SORBS3: variants seen among roughly 807,000 people sequenced by gnomAD.
SORBS3 encodes the protein vinexin.
Under a neutral mutation model 98.0 loss-of-function variants are expected in SORBS3, and 69 were observed. The observed-to-expected ratio is 0.70, with a 90% CI of 0.58 to 0.86. The LOEUF is 0.86. SORBS3 is among the 40% of genes least tolerant of loss of function. The pLI, the probability that SORBS3 is intolerant of heterozygous loss-of-function variation, is 0.00. For missense variants in SORBS3, 954 were observed against 908.5 expected, an observed-to-expected ratio of 1.05 and a Z score of -0.64; for synonymous variants, 394 against 355.4, an observed-to-expected ratio of 1.11 and a Z score of -1.22.
chr8:22,564,229 G>A (rs552602226), intron 8 of SORBS3, 54 bp from the exon 9 acceptor site: 1 of 1,530,516 alleles, frequency 6.5e-7, no homozygotes, highest in South Asian at 1.2e-5. Flanking sequence ...TTTGAGCCTG[G>A]CCAGTGTCCC....
intron 20 of SORBS3, 41 bp from the exon 21 acceptor site, chr8:22,574,623 AAAG>A (rs1586912295): frequency 1.3e-6 from 2 of 1,596,214 alleles, no homozygotes; most frequent in East Asian, 2.2e-5. Context: ...CATCCCTGTT[AAAG>A]AAGGGAGTGG....
chr8:22,558,659 T>A (rs1840233581), intron 5 of SORBS3, among the ~76,000 whole-genome samples: 1 of 152,240 alleles, frequency 6.6e-6, no homozygotes, highest in Non-Finnish European at 1.5e-5. Context: ...CTATTCTAGG[T>A]GCCAAAGATC....
At chr8:22,566,797 C>G in intron 14 of SORBS3, 25 bp from the exon 15 acceptor site, 2 of 1,613,856 alleles carry the variant, frequency 1.2e-6, no homozygotes, top group South Asian at 2.2e-5. Context: ...CTGAGAGAGC[C>G]CACTCTGTCC....
At chr8:22,555,622 G>A (rs1016023600) in intron 3 of SORBS3, among the ~76,000 whole-genome samples, 1 of 152,134 alleles carries the variant, frequency 6.6e-6, no homozygotes, top group Non-Finnish European at 1.5e-5. Context: ...AGGCTGAGGT[G>A]TGTGGATGAC....
At position 22,574,868 on chromosome 8, in the gene SORBS3, C is replaced by T. The variant is rs550294683; in HGVS notation, c.*140C>T. The T allele has an allele frequency of 3.1e-5, 24 of 785,066 alleles. No individual in the cohort carries two copies. In the Admixed American group the frequency reaches 4.4e-4, roughly 14 times the overall value. The allele number at this position is 785,066 out of a possible 1,614,324, so 48.6% of individuals were successfully genotyped here. On this transcript the variant is annotated 3_prime_UTR_variant, in exon 21 of 21. Coordinates refer to ENST00000240123, the MANE Select transcript of SORBS3 (RefSeq NM_005775.5). ...TCTGCAGACGACCCCCGCAGCCTTTCCCTCGGACCCCCCTCGAAGCCCCCT... is the reference window on the plus strand; with the variant it reads ...TCTGCAGACGACCCCCGCAGCCTTTTCCTCGGACCCCCCTCGAAGCCCCCT...
rs1224969467 is a variant in SORBS3 at position 22,554,067 on chromosome 8, C to T, written c.-55-385C>T. 1.3e-5 allele frequency among the ~76,000 whole-genome samples: 2 copies of T among 152,144 alleles called. No homozygotes were observed. Among genetic ancestry groups the T allele is most frequent in the African/African-American group, 2.4e-5 (1 of 41,434 alleles). ...GAAACAAAGTCCTGTGTTCCCAGGCCCCCTCTCTGCCGGCTGCCCCACTTC... is the reference window on the plus strand; with the variant it reads ...GAAACAAAGTCCTGTGTTCCCAGGCTCCCTCTCTGCCGGCTGCCCCACTTC... On this transcript the variant is annotated intron_variant, in intron 1 of 20. Transcript: ENST00000240123. This position sits in a 1 kb window ranked among gnomAD's most constrained non-coding sequence, Gnocchi z 6.5.
rs1042488469 is a variant in SORBS3 at position 22,564,015 on chromosome 8, C to T, written c.613C>T (p.Pro205Ser). Residue 205 changes from proline (P) to serine (S), a missense_variant, in exon 8 of 21, where the codon CCT (proline) becomes TCT (serine). By Grantham distance (74) the Pro-to-Ser change is moderately conservative. Coordinates refer to ENST00000240123, the MANE Select transcript of SORBS3 (RefSeq NM_005775.5). ...AAGCTGGGACCACTCTGAAGAGTTA[C>T]CTAGAAGCACCTTCAACTACAGACC... ...GRSWDHSEEL[P>S]RSTFNYRPGA... 2 of 1,613,984 alleles carry T rather than the reference C, an allele frequency of 1.2e-6. No individual in the cohort carries two copies. Among genetic ancestry groups the T allele is most frequent in the Admixed American group, 1.7e-5 (1 of 60,034 alleles).
Position 22,554,068 on chromosome 8 carries a change from C to G in SORBS3, c.-55-384C>G, listed in dbSNP as rs1263312914. On this transcript the variant is annotated intron_variant, in intron 1 of 20. Transcript: ENST00000240123. This position sits in a 1 kb window ranked among gnomAD's most constrained non-coding sequence, Gnocchi z 6.5. Reference sequence around the variant, plus strand: ...AAACAAAGTCCTGTGTTCCCAGGCCCCCTCTCTGCCGGCTGCCCCACTTCC... The same window carrying G: ...AAACAAAGTCCTGTGTTCCCAGGCCGCCTCTCTGCCGGCTGCCCCACTTCC... Among the ~76,000 whole-genome samples, 1 of 152,160 alleles carries G rather than the reference C, an allele frequency of 6.6e-6. No homozygotes were observed. Among genetic ancestry groups the G allele is most frequent in the East Asian group, 1.9e-4 (1 of 5,184 alleles).
At chr8:22,557,885 C>A (rs1840216560) in intron 4 of SORBS3, among the ~76,000 whole-genome samples, 1 of 152,132 alleles carries the variant, frequency 6.6e-6, no homozygotes, top group Non-Finnish European at 1.5e-5. Flanking sequence ...GTAAATTGCC[C>A]CAAATCTCAT....
intron 20 of SORBS3, 84 bp from the exon 21 acceptor site, chr8:22,574,583 C>G: frequency 2.8e-6 from 4 of 1,405,502 alleles, no homozygotes; most frequent in Non-Finnish European, 4.0e-6. Flanking sequence ...GTTCTGGGCA[C>G]TGCCGGCAGG....
At chr8:22,553,529 T>G (rs1356658876) in intron 1 of SORBS3, among the ~76,000 whole-genome samples, 1 of 152,130 alleles carries the variant, frequency 6.6e-6, no homozygotes, top group East Asian at 1.9e-4. Context: ...GGCTCCCCTC[T>G]TGCCCCTCCA....
At chr8:22,550,363 C>A (rs917272740), upstream of SORBS3, among the ~76,000 whole-genome samples, 3 of 152,222 alleles carry the variant, frequency 2.0e-5, no homozygotes, top group African/African-American at 7.2e-5. Flanking sequence ...CCACAACTGG[C>A]AGACTCAGAA....
Position 22,567,109 on chromosome 8 carries a change from G to A in SORBS3, c.1239G>A (p.Val413=). 4 of 1,613,626 alleles carry A rather than the reference G, an allele frequency of 2.5e-6. No individual in the cohort carries two copies. In the South Asian group the frequency reaches 4.4e-5, roughly 18 times the overall value. ...KGDIVYIHKE[V]DKNWLEGEHH... is the part of the protein sequence containing the mutation. ...ACATTGTCTACATCCACAAGGAGGT[G>A]GACAAGAACTGGCTGGAGGGAGAGC... Residue 413 remains valine (V), a synonymous_variant, in exon 16 of 21, where the codon GTG becomes GTA. Transcript: ENST00000240123.
At chr8:22,561,779 CTAAA>C (rs1476967575) in intron 6 of SORBS3, 82 bp from the exon 7 acceptor site, 2 of 1,262,968 alleles carry the variant, frequency 1.6e-6, no homozygotes, top group African/African-American at 2.9e-5. Flanking sequence ...TGCTGAAACT[CTAAA>C]TAATCACCCA....
upstream of SORBS3, among the ~76,000 whole-genome samples, chr8:22,549,634 TGAGA>T (rs1840052937): frequency 6.6e-6 from 1 of 152,154 alleles, no homozygotes; most frequent in Non-Finnish European, 1.5e-5. Context: ...GATTCTGACC[TGAGA>T]GAGGTGATAA....
At chr8:22,556,615 T>C (rs1386469841) in intron 3 of SORBS3, 100 bp from the exon 4 acceptor site, 24 of 1,052,370 alleles carry the variant, frequency 2.3e-5, no homozygotes, top group Non-Finnish European at 3.4e-5. Context: ...TGTTGAAACT[T>C]TGAACCCACA....
At chr8:22,570,627 G>A (rs527727580) in intron 17 of SORBS3, among the ~76,000 whole-genome samples, 2 of 152,304 alleles carry the variant, frequency 1.3e-5, no homozygotes, top group South Asian at 2.1e-4. Context: ...ACCTGTGATC[G>A]GAGCTCTGGG....
chr8:22,564,642 G>C (rs1267390158), intron 10 of SORBS3, 121 bp downstream of exon 10: 1 of 1,426,766 alleles, frequency 7.0e-7, no homozygotes, highest in African/African-American at 1.4e-5. Flanking sequence ...GTCCCACATG[G>C]TTTATTTCTG....
At chr8:22,546,027 G>T (rs992616483) in intron 1 of SORBS3, among the ~76,000 whole-genome samples, 4 of 152,180 alleles carry the variant, frequency 2.6e-5, no homozygotes, top group African/African-American at 4.8e-5. Flanking sequence ...CCAGTTGGTG[G>T]TGTGATATTT....
Sources: allele counts gnomAD v4.1 joint callset (sites outside exome capture counted in the v4.1 genomes callset), GRCh38; gene constraint gnomAD v4.1.1; non-coding constraint Gnocchi (gnomAD v3.1); transcripts MANE v1.5; gene names NCBI Gene and HGNC (gene_info 2026-07-23, HGNC 2026-07-21).